Variants in CDK6 observed in about 807,000 individuals in gnomAD.
The protein encoded by CDK6 is cyclin-dependent kinase 6.
In CDK6, 6 loss-of-function variants were observed where a neutral mutation model predicts 37.1. That is an observed-to-expected ratio of 0.16 (90% CI 0.09 to 0.32). The LOEUF is 0.32. Ranked by LOEUF, CDK6 falls within the 10% of genes least tolerant of loss-of-function variation. CDK6 has a pLI of 1.00. For synonymous variants in CDK6, 160 were observed against 161.3 expected (o/e 0.99, Z 0.06); for missense variants, 224 against 418.9 (o/e 0.53, Z 4.06).
chr7:92,740,376 C>T (rs1358263218), intron 3 of CDK6, among the ~76,000 whole-genome samples: 1 of 152,164 alleles, frequency 6.6e-6, no homozygotes. Flanking sequence ...TCTTTCAAGG[C>T]TTACTTTAAG....
intron 4 of CDK6, among the ~76,000 whole-genome samples, chr7:92,723,154 C>T (rs927444827): frequency 6.6e-6 from 1 of 152,050 alleles, no homozygotes; most frequent in East Asian, 1.9e-4. Flanking sequence ...CCAGCCTGGG[C>T]AACAGAGTGA....
intron 2 of CDK6, among the ~76,000 whole-genome samples, chr7:92,815,531 A>G (rs1801006298): frequency 6.6e-6 from 1 of 152,206 alleles, no homozygotes; most frequent in Non-Finnish European, 1.5e-5. Context: ...TAGGTAGTAG[A>G]GGACTGTGAT....
In CDK6 at chr7:92,794,082, G is replaced by T. The variant is rs566769528; in HGVS notation, c.234-19251C>A. On this transcript the variant is annotated intron_variant, in intron 2 of 7. Coordinates refer to ENST00000424848, the MANE Select transcript of CDK6 (RefSeq NM_001145306.2). ...GGCAAGAGTCAGTTTCAAGAAGAAA[G>T]AAGTGGTCAATGGTGTATATAAGAT... Among the ~76,000 whole-genome samples the T allele has an allele frequency of 3.9e-5, 6 of 152,212 alleles. No individual in the cohort carries two copies. In the South Asian group the frequency reaches 1.2e-3, roughly 32 times the overall value.
chr7:92,693,822 G>A (rs967718370), intron 4 of CDK6, among the ~76,000 whole-genome samples: 1 of 152,178 alleles, frequency 6.6e-6, no homozygotes, highest in Non-Finnish European at 1.5e-5. Context: ...CAAGAGAAAA[G>A]GGGGATTTTA....
chr7:92,794,422 C>T (rs1458995523), intron 2 of CDK6, among the ~76,000 whole-genome samples: 4 of 152,110 alleles, frequency 2.6e-5, no homozygotes, highest in Non-Finnish European at 5.9e-5. Context: ...TACCCCATCC[C>T]ATGGCTTATT....
At chr7:92,802,171 C>T (rs1443606011) in intron 2 of CDK6, among the ~76,000 whole-genome samples, 2 of 152,044 alleles carry the variant, frequency 1.3e-5, no homozygotes, top group Non-Finnish European at 2.9e-5. Flanking sequence ...TGATCATCCA[C>T]CCCTCCATCC....
At chr7:92,824,456 T>G (rs1345315733) in intron 2 of CDK6, among the ~76,000 whole-genome samples, 1 of 152,152 alleles carries the variant, frequency 6.6e-6, no homozygotes, top group Non-Finnish European at 1.5e-5. Context: ...TCCCATCAGT[T>G]TTGACAATGT....
Position 92,835,453 on chromosome 7 carries a change from C to A in CDK6, c.-368+1025G>T, listed in dbSNP as rs1241449038. On this transcript the variant is annotated intron_variant, in intron 1 of 7. Transcript: ENST00000424848. The surrounding 1 kb of genome is among the most constrained non-coding windows in gnomAD (Gnocchi z 4.2). ...GCGGAGAGAAACGGGAGCAGCAATG[C>A]CTTTTCCCCCCCTCTCCTCCACTTT... is the stretch of plus-strand genomic sequence containing the variant. Among the ~76,000 whole-genome samples, 1 of 152,090 alleles carries A rather than the reference C, an allele frequency of 6.6e-6. No individual in the cohort carries two copies.
At chr7:92,682,196 C>T (rs935177832) in intron 4 of CDK6, among the ~76,000 whole-genome samples, 2 of 152,122 alleles carry the variant, frequency 1.3e-5, no homozygotes, top group Non-Finnish European at 2.9e-5. Flanking sequence ...TCACCACTCT[C>T]CTGCTTAAAA....
chr7:92,647,129 A>G (rs1286081144), intron 5 of CDK6, among the ~76,000 whole-genome samples: 1 of 152,188 alleles, frequency 6.6e-6, no homozygotes, highest in East Asian at 1.9e-4. Context: ...TTTATTCATT[A>G]TTCATTTACT....
intron 2 of CDK6, among the ~76,000 whole-genome samples, chr7:92,778,946 T>TATATATATATATATATATAAATAA (rs1479181745): frequency 1.5e-5 from 2 of 135,012 alleles, no homozygotes; most frequent in African/African-American, 6.0e-5. Flanking sequence ...TATATATATA[T>TATATATATATATATATATAAATAA]AAGATATTAT....
chr7:92,651,791 G>A (rs1796580775), intron 5 of CDK6, among the ~76,000 whole-genome samples: 1 of 149,086 alleles, frequency 6.7e-6, no homozygotes, highest in African/African-American at 2.5e-5. Context: ...GAACACTGGT[G>A]TCAGCTGTTA....
intron 2 of CDK6, among the ~76,000 whole-genome samples, chr7:92,825,127 C>G (rs932395224): frequency 1.3e-5 from 2 of 152,250 alleles, no homozygotes; most frequent in Middle Eastern, 3.4e-3. Flanking sequence ...TTGCAGACCA[C>G]ATACCATTTT....
intron 5 of CDK6, among the ~76,000 whole-genome samples, chr7:92,648,338 C>T (rs568066972): frequency 7.2e-5 from 11 of 152,264 alleles, no homozygotes; most frequent in South Asian, 4.1e-4. Context: ...TCACATCCTT[C>T]GCAGGTCTTG....
rs545086059 is a variant in CDK6, at chr7:92,794,456, C to T, written c.234-19625G>A. On this transcript the variant is annotated intron_variant, in intron 2 of 7. Coordinates refer to ENST00000424848, the MANE Select transcript of CDK6 (RefSeq NM_001145306.2). ...TTAGGTCACTCGTGATCTTGCCCCACTCGCCACTCCATCCTCATCTTTTAT... is the reference window on the plus strand; with the variant it reads ...TTAGGTCACTCGTGATCTTGCCCCATTCGCCACTCCATCCTCATCTTTTAT... Among the ~76,000 whole-genome samples the T allele has an allele frequency of 1.4e-4, 21 of 152,192 alleles. 1 individual carries two copies. The South Asian group carries it at 1.7e-3, about 12-fold the overall frequency.
At chr7:92,778,440 T>C (rs1347288285) in intron 2 of CDK6, among the ~76,000 whole-genome samples, 1 of 152,234 alleles carries the variant, frequency 6.6e-6, no homozygotes, top group African/African-American at 2.4e-5. Context: ...TTAAAGATAG[T>C]ACCATAAATC....
chr7:92,642,385 AT>A (rs1251810678), intron 5 of CDK6, among the ~76,000 whole-genome samples: 3 of 152,130 alleles, frequency 2.0e-5, no homozygotes, highest in African/African-American at 7.2e-5. Context: ...CTATTGAGTC[AT>A]TTGGCCATGC....
chr7:92,737,233 C>A (rs1390523088), intron 3 of CDK6, among the ~76,000 whole-genome samples: 1 of 152,170 alleles, frequency 6.6e-6, no homozygotes, highest in Non-Finnish European at 1.5e-5. Context: ...GAATTTTCCC[C>A]AGTTAGTATG....
intron 4 of CDK6, among the ~76,000 whole-genome samples, chr7:92,680,262 GTC>G (rs1328594215): frequency 6.7e-6 from 1 of 149,676 alleles, no homozygotes; most frequent in Non-Finnish European, 1.5e-5. Context: ...GTGAAACCCC[GTC>G]TCTACTAAAA....
Sources: allele counts gnomAD v4.1 joint callset (sites outside exome capture counted in the v4.1 genomes callset), GRCh38; gene constraint gnomAD v4.1.1; non-coding constraint Gnocchi (gnomAD v3.1); transcripts MANE v1.5; gene names NCBI Gene and HGNC (gene_info 2026-07-23, HGNC 2026-07-21).